CLIP1: variants seen among roughly 807,000 people sequenced by gnomAD.
The protein encoded by CLIP1 is CAP-Gly domain containing linker protein 1.
In CLIP1, 66 loss-of-function variants were observed where a neutral mutation model predicts 161.6. The ratio of observed to expected loss-of-function variants is 0.41; its 90% CI spans 0.33 to 0.50. The LOEUF is 0.50. Ranked by LOEUF, CLIP1 falls within the 20% of genes least tolerant of loss-of-function variation. The probability of loss-of-function intolerance (pLI) is 0.27; values close to 1 mark genes in which losing one functional copy is unlikely to be tolerated. For missense variants in CLIP1, 1,376 were observed against 1,702.0 expected, an observed-to-expected ratio of 0.81 and a Z score of 3.37; for synonymous variants, 598 against 626.2, an observed-to-expected ratio of 0.96 and a Z score of 0.67.
rs200915623 is a variant in CLIP1 at position 122,336,258 on chromosome 12, TCA to T, written c.2568+372_2568+373del. Among the ~76,000 whole-genome samples the T allele has an allele frequency of 8.5e-3, 1,301 of 152,210 alleles. 24 individuals carry two copies. Among genetic ancestry groups the T allele is most frequent in the African/African-American group, 0.029 (1,217 of 41,530 alleles). On this transcript the variant is annotated intron_variant, in intron 12 of 25. Transcript: ENST00000620786. ...CCCAGTACAGCTACTGCCCTGATAA[TCA>T]CAGTTTAGGGGCCTCATTCAATATG...
chr12:122,309,753 G>T lies in CLIP1; in HGVS notation c.3594+9C>A. 1 of 1,611,964 alleles carries T rather than the reference G, an allele frequency of 6.2e-7. No individual in the cohort carries two copies. The highest frequency in any genetic ancestry group is 8.5e-7 in the Non-Finnish European group (1 of 1,179,900). On this transcript the variant is annotated intron_variant, in intron 20 of 25. Coordinates refer to ENST00000620786, the MANE Select transcript of CLIP1 (RefSeq NM_001247997.2). Reference sequence around the variant, plus strand: ...GCACAGCTGGAACCCCTCGCCAAAGGACACTGACCTTTTGATGACTTGTGA... The same window carrying T: ...GCACAGCTGGAACCCCTCGCCAAAGTACACTGACCTTTTGATGACTTGTGA...
chr12:122,385,254 T>C (rs1289009544), intron 1 of CLIP1, among the ~76,000 whole-genome samples: 2 of 151,926 alleles, frequency 1.3e-5, no homozygotes, highest in Non-Finnish European at 2.9e-5. Flanking sequence ...AAAGGGTGTT[T>C]GAAAAGTGTC....
intron 19 of CLIP1, 50 bp from the exon 20 acceptor site, chr12:122,309,932 A>C: frequency 6.2e-7 from 1 of 1,606,886 alleles, no homozygotes; most frequent in Admixed American, 1.7e-5. Flanking sequence ...ACAGGCAAGG[A>C]AACTGTGGGA....
At chr12:122,321,603 C>G (rs913430372) in intron 17 of CLIP1, among the ~76,000 whole-genome samples, 3 of 152,138 alleles carry the variant, frequency 2.0e-5, no homozygotes, top group African/African-American at 7.2e-5. Context: ...CCTGCAACTT[C>G]TGCCTCCTGG....
intron 20 of CLIP1, among the ~76,000 whole-genome samples, chr12:122,292,355 G>A (rs565703555): frequency 1.2e-4 from 18 of 151,940 alleles, no homozygotes; most frequent in African/African-American, 3.1e-4. Context: ...TTATTCAGTC[G>A]GTTATAATCT....
chr12:122,360,929 T>C (rs768520626), intron 5 of CLIP1, 30 bp downstream of exon 5: 2 of 1,561,842 alleles, frequency 1.3e-6, no homozygotes, highest in Non-Finnish European at 1.7e-6. Flanking sequence ...GCCTGGGAAG[T>C]GGAGGCAGGT....
At position 122,345,855 on chromosome 12, in the gene CLIP1, G is replaced by A. The variant is rs528407074; in HGVS notation, c.1506+1520C>T. ...GGCTGGAGTGCAATGGCGTGATCTC[G>A]GCTCACCGCAACCTCTGCCTCCCAG... On this transcript the variant is annotated intron_variant, in intron 10 of 25. Coordinates refer to ENST00000620786, the MANE Select transcript of CLIP1 (RefSeq NM_001247997.2). Among the ~76,000 whole-genome samples, 53 of 151,248 alleles carry A rather than the reference G, an allele frequency of 3.5e-4. 2 individuals are homozygous for A. In the South Asian group the frequency reaches 9.9e-3, roughly 28 times the overall value.
intron 7 of CLIP1, 151 bp from the exon 8 acceptor site, chr12:122,352,937 TGAGGCCAG>T (rs1467586360): frequency 6.0e-6 from 4 of 662,788 alleles, no homozygotes; most frequent in Non-Finnish European, 1.1e-5. Context: ...GAGGATCGCT[TGAGGCCAG>T]GAGTTTGAGA....
At chr12:122,415,107 A>C (rs1268031562) in intron 1 of CLIP1, among the ~76,000 whole-genome samples, 1 of 152,030 alleles carries the variant, frequency 6.6e-6, no homozygotes, top group Non-Finnish European at 1.5e-5. Context: ...AGACGCTGTT[A>C]ATAGTTTAAA....
chr12:122,420,350 A>G (rs1180874727), intron 1 of CLIP1, among the ~76,000 whole-genome samples: 1 of 152,098 alleles, frequency 6.6e-6, no homozygotes, highest in Non-Finnish European at 1.5e-5. Context: ...CATGTCAAAA[A>G]AAAAAAAAGA....
At chr12:122,320,182 G>A (rs2136638922) in intron 17 of CLIP1, among the ~76,000 whole-genome samples, 1 of 151,794 alleles carries the variant, frequency 6.6e-6, no homozygotes, top group South Asian at 2.1e-4. Context: ...CAGGAGAATG[G>A]TGTGAACCTG....
chr12:122,345,201 G>T (rs868574332), intron 10 of CLIP1, among the ~76,000 whole-genome samples: 17 of 150,884 alleles, frequency 1.1e-4, no homozygotes, highest in African/African-American at 4.1e-4. Context: ...TTGAAACAGG[G>T]TCTTGCTCTA....
In CLIP1 at chr12:122,300,352, G is replaced by C. The variant is rs973939395; in HGVS notation, c.3594+9410C>G. Among the ~76,000 whole-genome samples the C allele has an allele frequency of 4.6e-5, 7 of 152,200 alleles. 1 individual carries two copies. The highest frequency in any genetic ancestry group is 8.8e-5 in the Non-Finnish European group (6 of 68,020). On this transcript the variant is annotated intron_variant, in intron 20 of 25. Coordinates refer to ENST00000620786, the MANE Select transcript of CLIP1 (RefSeq NM_001247997.2). ...ATATATACACAATGAGAAGGACAGA[G>C]AGGGGGAAAAAAGCAAATTTAATTT...
chr12:122,319,215 T>C lies in CLIP1; in HGVS notation c.3366+17A>G, dbSNP rs1318526827. The C allele has an allele frequency of 1.3e-6, 2 of 1,501,892 alleles. No individual in the cohort carries two copies. Among genetic ancestry groups the C allele is most frequent in the Admixed American group, 3.3e-5 (2 of 59,790 alleles). 93.0% of individuals were successfully genotyped at this position (1,501,892 alleles called of 1,614,324 possible). ...GTAAGCTGTTCTTTGTATAAAAAGC[T>C]ATTTAAATCTGATTACTTCATTCTG... On this transcript the variant is annotated intron_variant, in intron 18 of 25. Coordinates refer to ENST00000620786, the MANE Select transcript of CLIP1 (RefSeq NM_001247997.2).
chr12:122,307,280 T>A (rs894031404), intron 20 of CLIP1, among the ~76,000 whole-genome samples: 1 of 152,108 alleles, frequency 6.6e-6, no homozygotes, highest in African/African-American at 2.4e-5. Flanking sequence ...ATGCTGAGAT[T>A]ACAGGTGTGA....
At chr12:122,360,753 T>C in intron 5 of CLIP1, 1 of 537,496 alleles carries the variant, frequency 1.9e-6, no homozygotes, top group South Asian at 2.8e-5. Context: ...AAAGGGACTA[T>C]TAAAAGCACT....
intron 20 of CLIP1, among the ~76,000 whole-genome samples, chr12:122,306,245 G>A (rs971444946): frequency 2.6e-5 from 4 of 151,940 alleles, no homozygotes; most frequent in African/African-American, 9.7e-5. Flanking sequence ...TTGTGATTGT[G>A]TGAGTTAACA....
chr12:122,315,331 GAC>G (rs1231199937), intron 19 of CLIP1, among the ~76,000 whole-genome samples: 2 of 152,152 alleles, frequency 1.3e-5, no homozygotes, highest in Non-Finnish European at 2.9e-5. Flanking sequence ...GAAAGACAAA[GAC>G]ACACTCCAAT....
intron 11 of CLIP1, 48 bp from the exon 12 acceptor site, chr12:122,336,796 A>G: frequency 1.2e-6 from 1 of 806,268 alleles, no homozygotes; most frequent in South Asian, 2.1e-5. Flanking sequence ...CAAAAGGAAA[A>G]CAAAAGAGAA....
Sources: allele counts gnomAD v4.1 joint callset (sites outside exome capture counted in the v4.1 genomes callset), GRCh38; gene constraint gnomAD v4.1.1; transcripts MANE v1.5; gene names NCBI Gene and HGNC (gene_info 2026-07-23, HGNC 2026-07-21).